The following PHIP variants were observed in gnomAD, a reference collection of about 807,000 sequenced individuals.
The protein encoded by PHIP is PH-interacting protein.
In PHIP, 54 loss-of-function variants were observed where a neutral mutation model predicts 236.8. The ratio of observed to expected loss-of-function variants is 0.23; its 90% CI spans 0.18 to 0.29. The LOEUF is 0.29. PHIP is among the 10% of genes least tolerant of loss of function. The pLI, the probability that PHIP is intolerant of heterozygous loss-of-function variation, is 1.00. For synonymous variants in PHIP, 756 were observed against 718.9 expected (o/e 1.05, Z -0.83); for missense variants, 1,370 against 2,190.8 (o/e 0.63, Z 7.48).
At chr6:78,993,530 T>G (rs1769409400) in intron 19 of PHIP, among the ~76,000 whole-genome samples, 1 of 152,216 alleles carries the variant, frequency 6.6e-6, no homozygotes, top group South Asian at 2.1e-4. Flanking sequence ...TAATGCTCAT[T>G]TATCATTCCA....
chr6:78,988,410 A>G, intron 20 of PHIP, 61 bp from the exon 21 acceptor site: 1 of 1,299,802 alleles, frequency 7.7e-7, no homozygotes, highest in East Asian at 2.7e-5. Context: ...TTTTAGTTTA[A>G]AAGTTAAAAT....
intron 6 of PHIP, among the ~76,000 whole-genome samples, chr6:79,059,598 T>TATATATATATAC (rs1773257066): frequency 1.2e-5 from 1 of 86,040 alleles, no homozygotes; most frequent in African/African-American, 3.5e-5. Context: ...AAATTATATA[T>TATATATATATAC]ATATATATAT....
At chr6:78,994,082 T>G (rs1639309448) in intron 19 of PHIP, among the ~76,000 whole-genome samples, 1 of 152,072 alleles carries the variant, frequency 6.6e-6, no homozygotes, top group African/African-American at 2.4e-5. Flanking sequence ...GTGGAAGAAG[T>G]TACTGTAGAT....
chr6:79,059,180 A>G (rs1773228694), intron 6 of PHIP, among the ~76,000 whole-genome samples: 1 of 152,120 alleles, frequency 6.6e-6, no homozygotes. Flanking sequence ...AACATGTAAA[A>G]CATAGAAGAA....
chr6:78,989,111 C>T (rs1191692052), intron 20 of PHIP, among the ~76,000 whole-genome samples: 1 of 152,070 alleles, frequency 6.6e-6, no homozygotes, highest in African/African-American at 2.4e-5. Context: ...CTTAATAAAG[C>T]TATCTCAAAA....
At chr6:78,965,889 A>G (rs972115755) in intron 28 of PHIP, 56 bp downstream of exon 28, 48 of 1,304,864 alleles carry the variant, frequency 3.7e-5, no homozygotes, top group Non-Finnish European at 4.4e-5. Flanking sequence ...TAATAGATGG[A>G]AAAAAAAATT....
chr6:79,056,905 T>A (rs1194363839), intron 6 of PHIP, among the ~76,000 whole-genome samples: 4 of 152,088 alleles, frequency 2.6e-5, no homozygotes, highest in African/African-American at 9.7e-5. Context: ...GAATGAATAA[T>A]GTAGAACTCC....
intron 16 of PHIP, 144 bp from the exon 17 acceptor site, chr6:79,002,268 GAATT>G (rs1770044102): frequency 1.7e-6 from 1 of 588,892 alleles, no homozygotes; most frequent in Admixed American, 3.0e-5. Context: ...TTATTTTCCT[GAATT>G]AATTGTAAAT....
chr6:78,970,026 T>C lies in PHIP; in HGVS notation c.3122+23A>G, dbSNP rs201433134. On this transcript the variant is annotated intron_variant, in intron 26 of 39. Coordinates refer to ENST00000275034, the MANE Select transcript of PHIP (RefSeq NM_017934.7). Reference sequence around the variant, plus strand: ...ACAATCTACAATACTAAGAAAACCATTGCCTCTTTCAACAGTCCTTACTTC... The same window carrying C: ...ACAATCTACAATACTAAGAAAACCACTGCCTCTTTCAACAGTCCTTACTTC... 2.7e-5 allele frequency: 44 copies of C among 1,610,522 alleles called. No individual in the cohort carries two copies. The East Asian group carries it at 4.0e-4, about 15-fold the overall frequency.
At chr6:78,985,161 T>C (rs1768786088) in intron 22 of PHIP, among the ~76,000 whole-genome samples, 191 bp downstream of exon 22, 1 of 152,128 alleles carries the variant, frequency 6.6e-6, no homozygotes, top group Non-Finnish European at 1.5e-5. Context: ...TTTGCAGATC[T>C]AGTTGCAATC....
chr6:78,970,856 A>G lies in PHIP; in HGVS notation c.2922T>C (p.Tyr974=), dbSNP rs1582133844. The change falls in exon 25 of 40, where the codon TAT becomes TAC. Residue 974 remains tyrosine (Y), a synonymous_variant. Coordinates refer to ENST00000275034, the MANE Select transcript of PHIP (RefSeq NM_017934.7). The stretch of plus-strand genomic sequence containing the variant: ...TTTTATTTTTCCGGGCCATTTCGAC[A>G]TAGGCTTCATGTCCTTGTCGGAAAT... ...VYYFRQGHEA[Y]VEMARKNKIY... is the part of the protein sequence containing the mutation. The G allele has an allele frequency of 1.2e-6, 2 of 1,610,782 alleles. No individual in the cohort carries two copies. The highest frequency in any genetic ancestry group is 3.4e-5 in the Admixed American group (2 of 59,636).
chr6:78,960,708 CAT>C (rs1228514189), intron 31 of PHIP, among the ~76,000 whole-genome samples: 3 of 152,066 alleles, frequency 2.0e-5, no homozygotes, highest in African/African-American at 4.8e-5. Flanking sequence ...CCCCAGAAGA[CAT>C]GTGACAATGT....
chr6:79,014,297 T>C (rs1024118335), intron 15 of PHIP, among the ~76,000 whole-genome samples: 23 of 151,762 alleles, frequency 1.5e-4, no homozygotes, highest in African/African-American at 5.3e-4. Context: ...TCTGACCACA[T>C]GTACTAATTG....
rs771863430 is a variant in PHIP at position 79,015,637 on chromosome 6, A to G, written c.1382T>C (p.Val461Ala). Residue 461 changes from valine to alanine, a missense_variant, in exon 14 of 40, where the codon GTC (valine) becomes GCC (alanine). Around this residue, in one of 14 missense-constraint regions of PHIP, gnomAD observed 188 missense variants for 354.3 expected, o/e 0.53. Coordinates refer to ENST00000275034, the MANE Select transcript of PHIP (RefSeq NM_017934.7). ...ATTAGAATTTTTTCTCACCATCAGG[A>G]CATGAATTAGTTGACCAGTGTAAGA... Reference protein sequence around the residue: ...WNSYTGQLIHVLMGHEDEVFV... With the variant: ...WNSYTGQLIHALMGHEDEVFV... 1 of 1,600,142 alleles carries G rather than the reference A, an allele frequency of 6.2e-7. No homozygotes were observed. Among genetic ancestry groups the G allele is most frequent in the Admixed American group, 1.7e-5 (1 of 58,524 alleles).
chr6:78,945,529 G>T, intron 38 of PHIP, 32 bp from the exon 39 acceptor site: 1 of 1,353,090 alleles, frequency 7.4e-7, no homozygotes, highest in South Asian at 1.2e-5. Context: ...TAAAAATTAA[G>T]AGTTATTGAA....
At chr6:79,067,423 A>G (rs892209750) in intron 4 of PHIP, among the ~76,000 whole-genome samples, 1 of 152,194 alleles carries the variant, frequency 6.6e-6, no homozygotes, top group East Asian at 1.9e-4. Flanking sequence ...ACTCTTTTTC[A>G]TAGTTAAAAT....
At chr6:78,987,327 T>C (rs930766683) in intron 21 of PHIP, among the ~76,000 whole-genome samples, 2 of 152,118 alleles carry the variant, frequency 1.3e-5, no homozygotes, top group Admixed American at 6.6e-5. Context: ...CAAATTACCA[T>C]GTGTCAAATT....
At chr6:79,060,370 T>G (rs1773313465) in intron 6 of PHIP, 108 bp downstream of exon 6, 1 of 642,312 alleles carries the variant, frequency 1.6e-6, no homozygotes, top group Admixed American at 3.3e-5. Flanking sequence ...TGAATGCAGA[T>G]GTACATAATA....
chr6:79,078,250 C>G lies in PHIP; in HGVS notation c.-182G>C. On this transcript the variant is annotated 5_prime_UTR_variant, in exon 1 of 40. Coordinates refer to ENST00000275034, the MANE Select transcript of PHIP (RefSeq NM_017934.7). ...GGAGGAAACAACAACTCTCAGGCAG[C>G]GACTACGGCCGTGGCCGCCTCCGCC... The G allele has an allele frequency of 1.8e-6, 1 of 567,668 alleles. No individual in the cohort carries two copies. Among genetic ancestry groups the G allele is most frequent in the South Asian group, 2.2e-5 (1 of 44,532 alleles). 35.2% of individuals were successfully genotyped at this position (567,668 alleles called of 1,614,324 possible). A position where few individuals can be genotyped will look rare whatever the true frequency, so the allele number is the denominator to read the frequency against.
Sources: allele counts gnomAD v4.1 joint callset (sites outside exome capture counted in the v4.1 genomes callset), GRCh38; gene constraint gnomAD v4.1.1; regional missense constraint gnomAD v4.1.1; transcripts MANE v1.5; gene names NCBI Gene and HGNC (gene_info 2026-07-23, HGNC 2026-07-21).